Variants in BIN1 observed in about 807,000 individuals in gnomAD.
BIN1 encodes myc box-dependent-interacting protein 1.
Under a neutral mutation model 82.0 loss-of-function variants are expected in BIN1, and 53 were observed. The ratio of observed to expected loss-of-function variants is 0.65; its 90% CI spans 0.52 to 0.81. The LOEUF (loss-of-function observed/expected upper bound fraction) is 0.81, where lower values mean the gene tolerates loss of function less well. Ranked by LOEUF, BIN1 falls within the 40% of genes least tolerant of loss-of-function variation. BIN1 has a pLI of 0.00. For missense variants in BIN1, 642 were observed against 784.4 expected (o/e 0.82, Z 2.17); for synonymous variants, 302 against 328.0 (o/e 0.92, Z 0.86).
At chr2:127,062,253 C>T (rs1684603898) in intron 9 of BIN1, 56 bp from the exon 10 acceptor site, 2 of 1,525,216 alleles carry the variant, frequency 1.3e-6, no homozygotes, top group East Asian at 2.4e-5. Flanking sequence ...AACGGCCCCA[C>T]CTTCCCCAAA....
At chr2:127,072,471 A>T (rs928831371) in intron 2 of BIN1, among the ~76,000 whole-genome samples, 1 of 152,206 alleles carries the variant, frequency 6.6e-6, no homozygotes, top group Non-Finnish European at 1.5e-5. Flanking sequence ...CGCAGCCCGC[A>T]GGGTGTTTTG....
intron 14 of BIN1, 156 bp downstream of exon 14, chr2:127,053,266 C>A: frequency 4.4e-6 from 5 of 1,143,538 alleles, no homozygotes; most frequent in Non-Finnish European, 6.4e-6. Context: ...GGTGGCTTCA[C>A]CAGCTCCCTG....
At chr2:127,104,189 G>A (rs565097340) in intron 1 of BIN1, among the ~76,000 whole-genome samples, 1 of 152,314 alleles carries the variant, frequency 6.6e-6, no homozygotes, top group South Asian at 2.1e-4. Flanking sequence ...ATCAGCCTGC[G>A]TCAGGCCCAA....
intron 1 of BIN1, among the ~76,000 whole-genome samples, chr2:127,078,068 TTGGGG>T (rs1320691918): frequency 6.6e-6 from 1 of 152,188 alleles, no homozygotes; most frequent in Non-Finnish European, 1.5e-5. Context: ...AACATCAGCT[TTGGGG>T]CCCAGGGCCC....
intron 1 of BIN1, among the ~76,000 whole-genome samples, chr2:127,096,150 C>CT (rs1056117933): frequency 2.0e-4 from 30 of 152,300 alleles, no homozygotes; most frequent in African/African-American, 6.7e-4. Flanking sequence ...TCGGCCCCAC[C>CT]TGCAATCTTT....
intron 7 of BIN1, among the ~76,000 whole-genome samples, chr2:127,065,559 C>T (rs1464141813): frequency 6.6e-6 from 1 of 152,118 alleles, no homozygotes; most frequent in African/African-American, 2.4e-5. Flanking sequence ...TACCCCCTGC[C>T]CTCAACTGCC....
At chr2:127,077,297 G>A (rs1420852186) in intron 1 of BIN1, among the ~76,000 whole-genome samples, 1 of 151,122 alleles carries the variant, frequency 6.6e-6, no homozygotes, top group Non-Finnish European at 1.5e-5. Context: ...CCTGCCCCAG[G>A]CACTCTGCTC....
chr2:127,082,713 C>G lies in BIN1; in HGVS notation c.85-6007G>C, dbSNP rs1186014368. Among the ~76,000 whole-genome samples, 2 of 152,170 alleles carry G rather than the reference C, an allele frequency of 1.3e-5. No individual in the cohort carries two copies. Among genetic ancestry groups the G allele is most frequent in the East Asian group, 3.8e-4 (2 of 5,196 alleles). ...CTCCTCCAAGCCCATCTCTCAAATG[C>G]GAGCTGTCCCTGCAACCAGACACAC... On this transcript the variant is annotated intron_variant, in intron 1 of 18. Coordinates refer to ENST00000316724, the MANE Select transcript of BIN1 (RefSeq NM_139343.3). This position sits in a 1 kb window ranked among gnomAD's most constrained non-coding sequence, Gnocchi z 6.1.
chr2:127,100,320 G>T (rs745760), intron 1 of BIN1, among the ~76,000 whole-genome samples: 1 of 150,984 alleles, frequency 6.6e-6, no homozygotes, highest in Non-Finnish European at 1.5e-5. Flanking sequence ...TCCGACAGGG[G>T]CCCCAAGTCT....
intron 11 of BIN1, among the ~76,000 whole-genome samples, chr2:127,058,572 A>T (rs1331332246): frequency 2.6e-5 from 4 of 151,812 alleles, no homozygotes; most frequent in African/African-American, 9.7e-5. Context: ...TGTCCCTTTA[A>T]AGGTCCTGCA....
chr2:127,068,321 G>T lies in BIN1; in HGVS notation c.520-66C>A, dbSNP rs1302462219. ...AGGGAGGTGGGGAGAGAGAAACAGA[G>T]ACACACAGATTAAATGCAGGTCCAC... is the stretch of plus-strand genomic sequence containing the variant. On this transcript the variant is annotated intron_variant, in intron 6 of 18. Coordinates refer to ENST00000316724, the MANE Select transcript of BIN1 (RefSeq NM_139343.3). The surrounding 1 kb of genome is among the most constrained non-coding windows in gnomAD (Gnocchi z 4.9). The T allele has an allele frequency of 1.5e-6, 2 of 1,357,432 alleles. No individual in the cohort carries two copies. 84.1% of individuals were successfully genotyped at this position (1,357,432 alleles called of 1,614,324 possible).
Position 127,070,577 on chromosome 2 carries a change from C to T in BIN1, c.291G>A (p.Arg97=), listed in dbSNP as rs747940759. The change falls in exon 4 of 19, where the codon AGG becomes AGA. Residue 97 remains arginine, a synonymous_variant. Transcript: ENST00000316724. Reference sequence around the variant, plus strand: ...CCTCTGCGATCTTGTTTGCCTCATCCCTGCCGGGCCAATCGGGCTCATACA... The same window carrying T: ...CCTCTGCGATCTTGTTTGCCTCATCTCTGCCGGGCCAATCGGGCTCATACA... ...QEVYEPDWPG[R]DEANKIAENN... is the part of the protein sequence containing the mutation. 6.2e-7 allele frequency: 1 copy of T among 1,614,132 alleles called. No homozygotes were observed. Among genetic ancestry groups the T allele is most frequent in the Middle Eastern group, 1.6e-4 (1 of 6,062 alleles).
rs531468470 is a variant in BIN1, at chr2:127,106,729, C to T, written c.84+131G>A. 9.6e-6 allele frequency: 11 copies of T among 1,142,120 alleles called. No individual in the cohort carries two copies. The East Asian group carries it at 2.5e-4, about 26-fold the overall frequency. 70.7% of individuals were successfully genotyped at this position (1,142,120 alleles called of 1,614,324 possible). A position where few individuals can be genotyped will look rare whatever the true frequency, so the allele number is the denominator to read the frequency against. On this transcript the variant is annotated intron_variant, in intron 1 of 18. Coordinates refer to ENST00000316724, the MANE Select transcript of BIN1 (RefSeq NM_139343.3). ...TGGGGACCTCGAAGCCCCTCGAAAG[C>T]GCTCCTCTAGAGGTGACAGCACCAG...
Position 127,059,911 on chromosome 2 carries a change from G to T in BIN1, c.858-756C>A, listed in dbSNP as rs1262288524. Among the ~76,000 whole-genome samples, 1 of 152,176 alleles carries T rather than the reference G, an allele frequency of 6.6e-6. No homozygotes were observed. The highest frequency in any genetic ancestry group is 1.5e-5 in the Non-Finnish European group (1 of 68,016). The stretch of plus-strand genomic sequence containing the variant: ...GCACAGAGACGCCTAGAAAAGTGCT[G>T]CCCAGTACGGTTGCCACTAGCCACA... On this transcript the variant is annotated intron_variant, in intron 10 of 18. Transcript: ENST00000316724. This position sits in a 1 kb window ranked among gnomAD's most constrained non-coding sequence, Gnocchi z 6.7.
intron 5 of BIN1, among the ~76,000 whole-genome samples, chr2:127,069,424 C>A (rs1157945948): frequency 1.3e-5 from 2 of 152,198 alleles, no homozygotes; most frequent in Admixed American, 6.5e-5. Context: ...CCAAGGGGAT[C>A]TCGTCCAACC....
chr2:127,080,708 A>G (rs1481514303), intron 1 of BIN1, among the ~76,000 whole-genome samples: 1 of 151,210 alleles, frequency 6.6e-6, no homozygotes, highest in East Asian at 2.0e-4. Context: ...CATGTCCTCA[A>G]CCCAAGGCCA....
rs61748155 is a variant in BIN1 at position 127,052,264 on chromosome 2, C to A, written c.1362G>T (p.Gly454=). The A allele has an allele frequency of 0.022, 34,993 of 1,572,668 alleles. 494 individuals are homozygous for A. The highest frequency in any genetic ancestry group is 0.052 in the South Asian group (4,414 of 85,614). The change falls in exon 15 of 19, where the codon GGG becomes GGT. Residue 454 remains glycine, a synonymous_variant. Coordinates refer to ENST00000316724, the MANE Select transcript of BIN1 (RefSeq NM_139343.3). ...VSWPSQTAEP[G]PAQPAEASEV... The stretch of plus-strand genomic sequence containing the variant: ...GGAGGTGGGCACTTACTTGGGCAGG[C>A]CCCGGCTCGGCCGTCTGGCTGGGCC...
At position 127,070,582 on chromosome 2, in the gene BIN1, C is replaced by G. The variant is rs769724273; in HGVS notation, c.286G>C (p.Gly96Arg). 6.2e-7 allele frequency: 1 copy of G among 1,614,080 alleles called. No homozygotes were observed. ...GCGATCTTGTTTGCCTCATCCCTGC[C>G]GGGCCAATCGGGCTCATACACCTCC... ...LQEVYEPDWP[G>R]RDEANKIAEN... Residue 96 changes from glycine (G) to arginine (R), a missense_variant, in exon 4 of 19, where the codon GGC (glycine) becomes CGC (arginine). By Grantham distance (125) the Gly-to-Arg change is moderately radical. Transcript: ENST00000316724.
intron 2 of BIN1, 29 bp from the exon 3 acceptor site, chr2:127,070,845 A>G: frequency 1.9e-6 from 3 of 1,605,254 alleles, no homozygotes; most frequent in Non-Finnish European, 1.7e-6. Context: ...GGACCAGGTC[A>G]GGGACTGGTG....
Sources: allele counts gnomAD v4.1 joint callset (sites outside exome capture counted in the v4.1 genomes callset), GRCh38; gene constraint gnomAD v4.1.1; non-coding constraint Gnocchi (gnomAD v3.1); transcripts MANE v1.5; gene names NCBI Gene and HGNC (gene_info 2026-07-23, HGNC 2026-07-21).